FLT1: variants seen among roughly 807,000 people sequenced by gnomAD.
The protein encoded by FLT1 is fms related receptor tyrosine kinase 1, also known as vascular endothelial growth factor receptor 1.
FLT1 carries 49 observed loss-of-function variants against 156.3 expected under a neutral mutation model. That is an observed-to-expected ratio of 0.31 (90% confidence interval 0.25 to 0.40). The LOEUF (loss-of-function observed/expected upper bound fraction) is 0.40. FLT1 is among the 10% of genes least tolerant of loss of function. The probability of loss-of-function intolerance (pLI) is 1.00; values close to 1 mark genes in which losing one functional copy is unlikely to be tolerated. For synonymous variants in FLT1, 594 were observed against 583.8 expected (o/e 1.02, Z -0.25); for missense variants, 1,322 against 1,637.2 (o/e 0.81, Z 3.32).
In FLT1 at chr13:28,458,153, T is replaced by C. The variant is rs1593815487; in HGVS notation, c.388+8750A>G. ...GGTTTCACCATGTCCGTCAGGCTGG[T>C]GACCCCAAGTCATCTGCCCACTTCA... On this transcript the variant is annotated intron_variant, in intron 3 of 29. Transcript: ENST00000282397. 2.0e-5 allele frequency among the ~76,000 whole-genome samples: 3 copies of C among 152,106 alleles called. No individual in the cohort carries two copies. The South Asian group carries it at 6.2e-4, about 32-fold the overall frequency.
intron 12 of FLT1, 133 bp from the exon 13 acceptor site, chr13:28,390,237 T>A (rs1593736413): frequency 8.2e-7 from 1 of 1,217,400 alleles, no homozygotes; most frequent in East Asian, 2.5e-5. Flanking sequence ...GTATTTGGGG[T>A]AAATGAGCAA....
chr13:28,412,332 T>TTTCTTTCTTTC (rs1566012828), intron 10 of FLT1, among the ~76,000 whole-genome samples: 1 of 54,166 alleles, frequency 1.8e-5, no homozygotes, highest in African/African-American at 6.2e-5. Context: ...TTTCTTTCTT[T>TTTCTTTCTTTC]TCTTTCTTTC....
intron 4 of FLT1, among the ~76,000 whole-genome samples, chr13:28,434,784 G>A (rs1877932699): frequency 6.6e-6 from 1 of 152,216 alleles, no homozygotes; most frequent in African/African-American, 2.4e-5. Flanking sequence ...TCGGGAGGCT[G>A]AGGCAGGAGA....
At chr13:28,329,329 CT>C (rs1267837115) in intron 19 of FLT1, among the ~76,000 whole-genome samples, 1 of 152,222 alleles carries the variant, frequency 6.6e-6, no homozygotes, top group Admixed American at 6.5e-5. Flanking sequence ...GGCCACACTC[CT>C]TCAGACCCAT....
intron 29 of FLT1, among the ~76,000 whole-genome samples, chr13:28,304,757 T>C (rs183996201): frequency 2.0e-3 from 302 of 152,318 alleles, no homozygotes; most frequent in African/African-American, 6.8e-3. Flanking sequence ...TTACCAATTC[T>C]GGGCATTTCA....
intron 14 of FLT1, among the ~76,000 whole-genome samples, chr13:28,374,144 T>C (rs1264455845): frequency 1.3e-5 from 2 of 152,230 alleles, no homozygotes; most frequent in Admixed American, 6.5e-5. Flanking sequence ...TTAGTGCCAC[T>C]TAATTGTACA....
chr13:28,372,368 G>A (rs981758415), intron 14 of FLT1, among the ~76,000 whole-genome samples: 34 of 149,896 alleles, frequency 2.3e-4, no homozygotes, highest in Non-Finnish European at 4.0e-4. Context: ...ACAGGCATGA[G>A]CCACTGCATC....
intron 1 of FLT1, among the ~76,000 whole-genome samples, chr13:28,472,082 T>G (rs1880209356): frequency 1.3e-5 from 2 of 152,120 alleles, no homozygotes; most frequent in South Asian, 4.1e-4. Context: ...TGTTTTTCTG[T>G]TCTGTATTAT....
At chr13:28,372,381 G>A (rs937245670) in intron 14 of FLT1, among the ~76,000 whole-genome samples, 1 of 149,756 alleles carries the variant, frequency 6.7e-6, no homozygotes, top group African/African-American at 2.5e-5. Flanking sequence ...ACTGCATCCG[G>A]CCATATATTT....
intron 3 of FLT1, among the ~76,000 whole-genome samples, chr13:28,443,243 C>T (rs958009879): frequency 4.6e-5 from 7 of 152,218 alleles, no homozygotes; most frequent in African/African-American, 1.7e-4. Flanking sequence ...AACAAGTGGG[C>T]TCAGACACAG....
intron 11 of FLT1, among the ~76,000 whole-genome samples, chr13:28,404,550 C>T (rs1010453616): frequency 6.6e-6 from 1 of 152,142 alleles, no homozygotes; most frequent in African/African-American, 2.4e-5. Flanking sequence ...ACATGAGGAA[C>T]GATGCCATCT....
At chr13:28,348,060 G>C (rs553360397) in intron 15 of FLT1, among the ~76,000 whole-genome samples, 1 of 152,106 alleles carries the variant, frequency 6.6e-6, no homozygotes, top group Non-Finnish European at 1.5e-5. Flanking sequence ...TTTTAGTCTG[G>C]AGTGGAAACT....
At chr13:28,470,502 C>T (rs1215947214) in intron 1 of FLT1, among the ~76,000 whole-genome samples, 1 of 152,062 alleles carries the variant, frequency 6.6e-6, no homozygotes, top group Non-Finnish European at 1.5e-5. Flanking sequence ...AGATGCTGAG[C>T]GCTCCCGTCC....
At chr13:28,352,711 C>T (rs1054567610) in intron 15 of FLT1, among the ~76,000 whole-genome samples, 4 of 152,190 alleles carry the variant, frequency 2.6e-5, no homozygotes, top group Non-Finnish European at 4.4e-5. Context: ...GCTCTCTCCT[C>T]GGGAAACCTT....
chr13:28,351,781 C>T (rs1458967836), intron 15 of FLT1, among the ~76,000 whole-genome samples: 1 of 152,182 alleles, frequency 6.6e-6, no homozygotes, highest in African/African-American at 2.4e-5. Context: ...AATTCTGTGG[C>T]TTAGAACACC....
At chr13:28,425,777 C>A (rs1011610630) in intron 10 of FLT1, among the ~76,000 whole-genome samples, 1 of 151,786 alleles carries the variant, frequency 6.6e-6, no homozygotes, top group African/African-American at 2.4e-5. Flanking sequence ...ATGTCAAGAC[C>A]CTAAACGGAT....
At chr13:28,358,178 G>C (rs1872974098) in intron 14 of FLT1, among the ~76,000 whole-genome samples, 1 of 152,168 alleles carries the variant, frequency 6.6e-6, no homozygotes, top group Non-Finnish European at 1.5e-5. Flanking sequence ...GATTCTGTGA[G>C]ATTAAGTAAC....
At chr13:28,413,405 TC>T (rs1876441612) in intron 10 of FLT1, among the ~76,000 whole-genome samples, 1 of 65,156 alleles carries the variant, frequency 1.5e-5, no homozygotes, top group African/African-American at 6.2e-5. Context: ...CCCTCCCAGC[TC>T]CCCACTCTCC....
At chr13:28,383,694 C>T (rs917874843) in intron 14 of FLT1, among the ~76,000 whole-genome samples, 1 of 149,066 alleles carries the variant, frequency 6.7e-6, no homozygotes, top group Non-Finnish European at 1.5e-5. Context: ...CTGGGTGTGG[C>T]GGCGGGCACC....
Sources: gnomAD v4.1 joint callset for allele counts (sites outside exome capture counted in the v4.1 genomes callset) on GRCh38, gnomAD v4.1.1 for gene constraint, MANE v1.5 for transcripts, NCBI Gene and HGNC (gene_info 2026-07-23, HGNC 2026-07-21) for gene names.